Variants in HYCC2 observed in about 807,000 individuals in gnomAD.
HYCC2 encodes hyccin PI4KA lipid kinase complex subunit 2.
At chr2:201,054,450 A>C in the HYCC2 span, among the ~76,000 whole-genome samples, 3 of 152,198 alleles carry the variant, frequency 2.0e-5, no homozygotes, top group Admixed American at 6.5e-5. Flanking sequence ...TTTTGACATA[A>C]ACCTAGTAAA....
chr2:200,982,013 T>A, the HYCC2 span: 2 of 794,558 alleles, frequency 2.5e-6, no homozygotes, highest in Non-Finnish European at 3.8e-6. Flanking sequence ...CCTAAATAAT[T>A]TAGGGGAAAT....
chr2:201,047,444 T>TTATATATATA, the HYCC2 span, among the ~76,000 whole-genome samples: 1 of 108,588 alleles, frequency 9.2e-6, no homozygotes, highest in Non-Finnish European at 1.8e-5. Context: ...GTCACAGTTC[T>TTATATATATA]CATATATATA....
chr2:201,019,104 T>C, the HYCC2 span, among the ~76,000 whole-genome samples: 1 of 152,200 alleles, frequency 6.6e-6, no homozygotes, highest in Admixed American at 6.5e-5. Flanking sequence ...TTGAGAGCAA[T>C]ATTCAGTTCT....
chr2:201,024,075 T>C, the HYCC2 span: 1 of 1,172,506 alleles, frequency 8.5e-7, no homozygotes, highest in Non-Finnish European at 1.3e-6. Context: ...AGGACAGTAG[T>C]ACTTATAGGA....
chr2:201,043,447 A>AG, the HYCC2 span, among the ~76,000 whole-genome samples: 7 of 150,680 alleles, frequency 4.6e-5, no homozygotes, highest in African/African-American at 1.5e-4. Context: ...AAAAAAAAAA[A>AG]AAGAAAGAAA....
the HYCC2 span, among the ~76,000 whole-genome samples, chr2:201,030,965 A>G: frequency 1.3e-5 from 2 of 152,098 alleles, no homozygotes; most frequent in African/African-American, 2.4e-5. Flanking sequence ...ATTGTTTTCA[A>G]TTTTCTTATA....
chr2:200,974,123 C>T, the HYCC2 span: 1 of 151,628 alleles, frequency 6.6e-6, no homozygotes, highest in Admixed American at 6.6e-5. Flanking sequence ...GTCATAATTT[C>T]TATATGCCTA....
chr2:201,005,030 A>C, the HYCC2 span, among the ~76,000 whole-genome samples: 1 of 152,102 alleles, frequency 6.6e-6, no homozygotes, highest in South Asian at 2.1e-4. Context: ...AAAAAAAAAA[A>C]AAAAAAGACC....
the HYCC2 span, among the ~76,000 whole-genome samples, chr2:201,048,639 C>A: frequency 6.6e-6 from 1 of 151,832 alleles, no homozygotes; most frequent in African/African-American, 2.4e-5. Flanking sequence ...AGAAAAAATT[C>A]TTCTAGTAAA....
chr2:201,034,562 T>C, the HYCC2 span, among the ~76,000 whole-genome samples: 151 of 152,358 alleles, frequency 9.9e-4, no homozygotes, highest in African/African-American at 3.3e-3. Context: ...CTTTATCCAA[T>C]TTGCCAGTCT....
At chr2:200,990,881 A>G in the HYCC2 span, among the ~76,000 whole-genome samples, 1 of 147,594 alleles carries the variant, frequency 6.8e-6, no homozygotes, top group Admixed American at 6.8e-5. Context: ...TAAATTTTGT[A>G]TTTTTTTGTA....
chr2:201,020,734 G>A, the HYCC2 span, among the ~76,000 whole-genome samples: 1 of 152,110 alleles, frequency 6.6e-6, no homozygotes, highest in African/African-American at 2.4e-5. Context: ...CTGTAGAATG[G>A]TAGATTTGAA....
the HYCC2 span, chr2:201,008,949 A>T: frequency 1.5e-6 from 2 of 1,363,818 alleles, no homozygotes; most frequent in East Asian, 4.6e-5. Context: ...ACAAGTTGTT[A>T]CTATATACAG....
At chr2:201,065,065 C>G in the HYCC2 span, among the ~76,000 whole-genome samples, 1 of 152,206 alleles carries the variant, frequency 6.6e-6, no homozygotes, top group Non-Finnish European at 1.5e-5. Flanking sequence ...TAATTACCAT[C>G]ACAATCAAGA....
At chr2:201,040,332 C>A in the HYCC2 span, among the ~76,000 whole-genome samples, 6 of 151,944 alleles carry the variant, frequency 3.9e-5, no homozygotes, top group Non-Finnish European at 5.9e-5. Flanking sequence ...GAATTTCTTT[C>A]ATTAAAAAAG....
At chr2:201,021,229 A>G in the HYCC2 span, among the ~76,000 whole-genome samples, 1 of 152,204 alleles carries the variant, frequency 6.6e-6, no homozygotes, top group Non-Finnish European at 1.5e-5. Flanking sequence ...GAAATTCTAT[A>G]GAATTTATCA....
At chr2:201,063,878 G>A in the HYCC2 span, 102 of 1,593,094 alleles carry the variant, frequency 6.4e-5, no homozygotes, top group Admixed American at 1.2e-3. Flanking sequence ...CAATGATTTT[G>A]GCAATTACAA....
chr2:201,047,445 C>CAT, the HYCC2 span, among the ~76,000 whole-genome samples: 7,169 of 139,428 alleles, frequency 0.051, 230 homozygotes, highest in Admixed American at 0.091. Flanking sequence ...TCACAGTTCT[C>CAT]ATATATATAT....
At chr2:201,038,710 CA>C in the HYCC2 span, among the ~76,000 whole-genome samples, 24 of 151,810 alleles carry the variant, frequency 1.6e-4, 1 homozygote, top group South Asian at 5.0e-3. Flanking sequence ...CACATCGACA[CA>C]GGAAGGGGAA....
Sources: gnomAD v4.1 joint callset for allele counts (sites outside exome capture counted in the v4.1 genomes callset) on GRCh38, gnomAD v4.1.1 for gene constraint, MANE v1.5 for transcripts, NCBI Gene and HGNC (gene_info 2026-07-23, HGNC 2026-07-21) for gene names.